Variants in NPNT observed in about 807,000 individuals in gnomAD.
NPNT encodes the protein preosteoblast EGF-like repeat protein with MAM domain.
Under a neutral mutation model 68.6 loss-of-function variants are expected in NPNT, and 45 were observed. The ratio of observed to expected loss-of-function variants is 0.66; its 90% confidence interval spans 0.52 to 0.84. The LOEUF (loss-of-function observed/expected upper bound fraction) is 0.84. NPNT is among the 40% of genes least tolerant of loss of function. The probability of loss-of-function intolerance (pLI) is 0.00; values close to 1 mark genes in which losing one functional copy is unlikely to be tolerated. For synonymous variants in NPNT, 233 were observed against 253.3 expected (o/e 0.92, Z 0.76); for missense variants, 672 against 714.8 (o/e 0.94, Z 0.68).
At chr4:105,961,609 A>G (rs1329777156) in intron 10 of NPNT, among the ~76,000 whole-genome samples, 3 of 152,138 alleles carry the variant, frequency 2.0e-5, no homozygotes, top group Admixed American at 1.3e-4. Context: ...ATTTGTTGTG[A>G]CCCAAATCTC....
intron 2 of NPNT, among the ~76,000 whole-genome samples, chr4:105,918,068 A>G (rs1217561773): frequency 3.9e-5 from 6 of 152,216 alleles, no homozygotes; most frequent in African/African-American, 9.6e-5. Flanking sequence ...CATCACTTAC[A>G]TGACCAATCT....
chr4:105,928,613 C>CAAAAAA (rs75354182), intron 3 of NPNT, among the ~76,000 whole-genome samples: 1 of 92,494 alleles, frequency 1.1e-5, no homozygotes. Context: ...AACTCTGTCT[C>CAAAAAA]AAAAAAAAAA....
intron 10 of NPNT, among the ~76,000 whole-genome samples, chr4:105,962,373 G>A (rs1379948047): frequency 6.6e-6 from 1 of 152,134 alleles, no homozygotes; most frequent in Non-Finnish European, 1.5e-5. Context: ...ATTGACTAGG[G>A]TTAGAGTTGT....
rs745438456 is a variant in NPNT, at chr4:105,895,603, A to C, written c.-50A>C. On this transcript the variant is annotated 5_prime_UTR_variant, in exon 1 of 12. Coordinates refer to ENST00000379987, the MANE Select transcript of NPNT (RefSeq NM_001033047.3). The stretch of plus-strand genomic sequence containing the variant: ...CCTCCCATCGGCGCCCACCACCCCA[A>C]CCTGTTCCTCGCGCGCCACTGCGCT... 5 of 1,502,848 alleles carry C rather than the reference A, an allele frequency of 3.3e-6. 1 individual carries two copies. The South Asian group carries it at 6.0e-5, about 18-fold the overall frequency. The allele number at this position is 1,502,848 out of a possible 1,614,324, so 93.1% of individuals were successfully genotyped here. A position where few individuals can be genotyped will look rare whatever the true frequency, so the allele number is the denominator to read the frequency against.
rs556106137 is a variant in NPNT, at chr4:105,962,511, C to A, written c.1345+3385C>A. On this transcript the variant is annotated intron_variant, in intron 10 of 11. Coordinates refer to ENST00000379987, the MANE Select transcript of NPNT (RefSeq NM_001033047.3). Reference sequence around the variant, plus strand: ...AAAGAGTGAGTTATCTTGGTGGAAGCATTTGACTGGGTGACATATGGCAAG... The same window carrying A: ...AAAGAGTGAGTTATCTTGGTGGAAGAATTTGACTGGGTGACATATGGCAAG... Among the ~76,000 whole-genome samples the A allele has an allele frequency of 5.3e-5, 8 of 152,102 alleles. No individual in the cohort carries two copies. The East Asian group carries it at 1.5e-3, about 29-fold the overall frequency.
At chr4:105,966,605 T>C (rs1732157050) in intron 10 of NPNT, among the ~76,000 whole-genome samples, 1 of 152,080 alleles carries the variant, frequency 6.6e-6, no homozygotes, top group South Asian at 2.1e-4. Context: ...TGGTGTTAGA[T>C]TTACACCAGT....
intron 1 of NPNT, 50 bp from the exon 2 acceptor site, chr4:105,897,851 C>G: frequency 7.0e-7 from 1 of 1,429,494 alleles, no homozygotes; most frequent in African/African-American, 1.4e-5. Flanking sequence ...AGGAAATTAC[C>G]TTTCTTCTCA....
chr4:105,941,799 A>G (rs1022014667), intron 7 of NPNT, among the ~76,000 whole-genome samples: 1 of 152,230 alleles, frequency 6.6e-6, no homozygotes, highest in Admixed American at 6.5e-5. Flanking sequence ...AGCTGTATTT[A>G]TGCAAATTGA....
chr4:105,967,327 C>T lies in NPNT; in HGVS notation c.1485C>T (p.Gly495=), dbSNP rs146274986. The T allele has an allele frequency of 4.1e-5, 66 of 1,613,154 alleles. No homozygotes were observed. Among genetic ancestry groups the T allele is most frequent in the Non-Finnish European group, 5.3e-5 (63 of 1,179,646 alleles). ...ACAAGGTGACGGGGCTGCACTCTGG[C>T]ACACTCCAGGTGTTTGTGAGAAAAC... ...FRHKVTGLHS[G]TLQVFVRKHG... is the part of the protein sequence containing the mutation. Residue 495 remains glycine (G), a synonymous_variant, in exon 11 of 12, where the codon GGC becomes GGT. Coordinates refer to ENST00000379987, the MANE Select transcript of NPNT (RefSeq NM_001033047.3).
chr4:105,913,484 A>C (rs1178403314), intron 2 of NPNT, among the ~76,000 whole-genome samples: 2 of 152,184 alleles, frequency 1.3e-5, no homozygotes, highest in Non-Finnish European at 1.5e-5. Flanking sequence ...AGACATTTTA[A>C]CTTTTCTGAG....
At chr4:105,946,185 A>G (rs185591631) in intron 8 of NPNT, among the ~76,000 whole-genome samples, 252 of 152,312 alleles carry the variant, frequency 1.7e-3, no homozygotes, top group African/African-American at 5.7e-3. Context: ...ACAAAGTACC[A>G]TTGACACTGC....
chr4:105,947,852 C>T (rs1008473824), intron 8 of NPNT, among the ~76,000 whole-genome samples: 1 of 151,972 alleles, frequency 6.6e-6, no homozygotes, highest in Non-Finnish European at 1.5e-5. Flanking sequence ...GGGGGGGTTT[C>T]TTTTAACATG....
intron 2 of NPNT, among the ~76,000 whole-genome samples, chr4:105,908,657 G>A (rs1727112350): frequency 6.6e-6 from 1 of 151,542 alleles, no homozygotes. Context: ...TCTGCCTCCT[G>A]GGTTCAAGCG....
intron 6 of NPNT, 108 bp downstream of exon 6, chr4:105,940,317 T>A: frequency 1.7e-6 from 2 of 1,205,118 alleles, no homozygotes; most frequent in Non-Finnish European, 1.2e-6. Flanking sequence ...GTACTGGCGT[T>A]AAGTTAAACC....
rs78513017 is a variant in NPNT at position 105,967,388 on chromosome 4, G to A, written c.1546G>A (p.Gly516Ser). Residue 516 changes from glycine (G) to serine (S), a missense_variant, in exon 11 of 12, where the codon GGT becomes AGT. Gly to Ser is a moderately conservative substitution (Grantham distance 56). Coordinates refer to ENST00000379987, the MANE Select transcript of NPNT (RefSeq NM_001033047.3). The part of the protein sequence containing the change: ...AHGAALWGRN[G>S]GHGWRQTQIT... ...CGGAGCAGCCCTGTGGGGAAGAAAT[G>A]GTGGCCATGGCTGGAGGCAAACACA... The A allele has an allele frequency of 6.4e-4, 1,022 of 1,605,858 alleles. 4 individuals are homozygous for A. In the African/African-American group the frequency reaches 0.013, roughly 20 times the overall value.
At chr4:105,932,950 T>C (rs1393541351) in intron 3 of NPNT, among the ~76,000 whole-genome samples, 1 of 152,212 alleles carries the variant, frequency 6.6e-6, no homozygotes, top group African/African-American at 2.4e-5. Flanking sequence ...TTTTGAAATA[T>C]GTTCTAAAAA....
At chr4:105,914,580 C>G (rs1432853303) in intron 2 of NPNT, among the ~76,000 whole-genome samples, 2 of 147,568 alleles carry the variant, frequency 1.4e-5, no homozygotes, top group Non-Finnish European at 3.0e-5. Context: ...TCTAGGCATT[C>G]ACGTCACTCA....
intron 2 of NPNT, 90 bp from the exon 3 acceptor site, chr4:105,927,246 C>A (rs944687396): frequency 2.6e-6 from 2 of 755,432 alleles, no homozygotes; most frequent in Non-Finnish European, 4.3e-6. Flanking sequence ...AGTTTTTTTT[C>A]TTTTATTATT....
rs528817026 is a variant in NPNT, at chr4:105,950,578, C to A, written c.1159+7876C>A. On this transcript the variant is annotated intron_variant, in intron 8 of 11. Coordinates refer to ENST00000379987, the MANE Select transcript of NPNT (RefSeq NM_001033047.3). ...TCAGTCTCCTGAGTAGCTGGGATTA[C>A]AGGCGTGCACCACCACACCCAGCTA... is the stretch of plus-strand genomic sequence containing the variant. Among the ~76,000 whole-genome samples, 24 of 152,252 alleles carry A rather than the reference C, an allele frequency of 1.6e-4. No homozygotes were observed. The South Asian group carries it at 4.8e-3, about 30-fold the overall frequency.
Sources: allele counts gnomAD v4.1 joint callset (sites outside exome capture counted in the v4.1 genomes callset), GRCh38; gene constraint gnomAD v4.1.1; transcripts MANE v1.5; gene names NCBI Gene and HGNC (gene_info 2026-07-23, HGNC 2026-07-21).